PCSK2: variants seen among roughly 807,000 people sequenced by gnomAD.
PCSK2 encodes the protein neuroendocrine convertase 2.
In PCSK2, 14 loss-of-function variants were observed where a neutral mutation model predicts 69.7. That is an observed-to-expected ratio of 0.20 (90% CI 0.13 to 0.31). The LOEUF is 0.31. Among genes scored for constraint, PCSK2 ranks in the 10% least tolerant of loss-of-function variants. The pLI is 1.00. For missense variants in PCSK2, 544 were observed against 842.5 expected, an observed-to-expected ratio of 0.65 and a Z score of 4.39; for synonymous variants, 307 against 320.7, an observed-to-expected ratio of 0.96 and a Z score of 0.46.
Position 17,402,862 on chromosome 20 carries a change from C to T in PCSK2, c.544-6401C>T, listed in dbSNP as rs368897582. The stretch of plus-strand genomic sequence containing the variant: ...GTCCCAGCTACTCGGGAGGCTGAGG[C>T]GGGAGAATGGCATGAACCTGGGAGG... On this transcript the variant is annotated intron_variant, in intron 5 of 11. Coordinates refer to ENST00000262545, the MANE Select transcript of PCSK2 (RefSeq NM_002594.5). 1.3e-4 allele frequency among the ~76,000 whole-genome samples: 19 copies of T among 151,688 alleles called. No individual in the cohort carries two copies. The East Asian group carries it at 2.7e-3, about 22-fold the overall frequency.
At chr20:17,431,699 A>G (rs949478354) in intron 7 of PCSK2, among the ~76,000 whole-genome samples, 2 of 152,182 alleles carry the variant, frequency 1.3e-5, no homozygotes, top group Non-Finnish European at 2.9e-5. Flanking sequence ...TAGGGAACCC[A>G]GTGTCCTCTG....
At chr20:17,465,085 A>C in intron 10 of PCSK2, 1 of 550,748 alleles carries the variant, frequency 1.8e-6, no homozygotes, top group South Asian at 2.2e-5. Flanking sequence ...TGTGTGTTAG[A>C]ATAGACTTTT....
intron 2 of PCSK2, among the ~76,000 whole-genome samples, chr20:17,340,378 CT>C (rs766451042): frequency 6.6e-6 from 1 of 152,218 alleles, no homozygotes; most frequent in Non-Finnish European, 1.5e-5. Context: ...ATTTTAATCT[CT>C]TTCTGGTAAA....
At chr20:17,402,725 C>T (rs142650890) in intron 5 of PCSK2, among the ~76,000 whole-genome samples, 1,563 of 148,094 alleles carry the variant, frequency 0.011, 34 homozygotes, top group African/African-American at 0.037. Context: ...GAGGCCAAGG[C>T]GGGTGGATCA....
intron 7 of PCSK2, among the ~76,000 whole-genome samples, chr20:17,430,682 G>A (rs992479043): frequency 6.6e-6 from 1 of 152,256 alleles, no homozygotes; most frequent in East Asian, 1.9e-4. Context: ...AAAATGTCAG[G>A]AGCCATTATG....
At chr20:17,480,211 G>T (rs1392891561) in intron 11 of PCSK2, among the ~76,000 whole-genome samples, 1 of 68,070 alleles carries the variant, frequency 1.5e-5, no homozygotes. Context: ...TTTTTTTGAG[G>T]CAGAGTCTCG....
rs41276380 is a variant in PCSK2 at position 17,429,471 on chromosome 20, C to T, written c.657C>T (p.Ala219=). ...GATGTGCAGGAGAAGTTTCTGCTGC[C>T]GCCAACAACAATATCTGTGGAGTTG... ...GTRCAGEVSA[A]ANNNICGVGV... is the part of the protein sequence containing the mutation. Residue 219 remains alanine (A), a synonymous_variant, in exon 7 of 12, where the codon GCC becomes GCT. Transcript: ENST00000262545. 0.018 allele frequency: 28,793 copies of T among 1,613,644 alleles called. 327 individuals are homozygous for T. Among genetic ancestry groups the T allele is most frequent in the Non-Finnish European group, 0.021 (25,274 of 1,179,680 alleles).
At chr20:17,294,103 T>TC (rs11484144) in intron 2 of PCSK2, among the ~76,000 whole-genome samples, 8,434 of 126,562 alleles carry the variant, frequency 0.067, 180 homozygotes, top group African/African-American at 0.098. Context: ...ATTTTCTTTT[T>TC]TTTTTTTTTT....
chr20:17,347,390 C>T (rs549940882), intron 2 of PCSK2, among the ~76,000 whole-genome samples: 6 of 152,210 alleles, frequency 3.9e-5, no homozygotes, highest in South Asian at 2.1e-4. Flanking sequence ...CAGCAGTTGG[C>T]GGCAAAGCAG....
intron 11 of PCSK2, among the ~76,000 whole-genome samples, chr20:17,472,516 G>A (rs2033219264): frequency 6.6e-6 from 1 of 152,192 alleles, no homozygotes; most frequent in African/African-American, 2.4e-5. Context: ...AGAAAGAGTG[G>A]CTGTCATTGT....
chr20:17,481,609 G>T lies in PCSK2; in HGVS notation c.1456G>T (p.Val486Leu), dbSNP rs2123428323. ...GAAAATACCATCCACTGGCAAGTTG[G>T]TGCTGACACTCACAACCGACGCCTG... is the stretch of plus-strand genomic sequence containing the variant. ...PEKIPSTGKLVLTLTTDACEG... is the reference protein window; with the variant it reads ...PEKIPSTGKLLLTLTTDACEG... Residue 486 changes from valine (V) to leucine (L), a missense_variant, in exon 12 of 12, where the codon GTG becomes TTG. By Grantham distance (32) the Val-to-Leu change is conservative (BLOSUM62 1). This residue lies in a region of PCSK2 where 200 missense variants were observed against 287.8 expected (regional missense o/e 0.69). Coordinates refer to ENST00000262545, the MANE Select transcript of PCSK2 (RefSeq NM_002594.5). The T allele has an allele frequency of 2.5e-6, 4 of 1,613,902 alleles. No individual in the cohort carries two copies. Among genetic ancestry groups the T allele is most frequent in the African/African-American group, 1.3e-5 (1 of 74,964 alleles).
At chr20:17,336,959 T>C (rs1990370355) in intron 2 of PCSK2, among the ~76,000 whole-genome samples, 1 of 152,168 alleles carries the variant, frequency 6.6e-6, no homozygotes. Context: ...AGATGACAGA[T>C]AAACACAGGT....
intron 2 of PCSK2, among the ~76,000 whole-genome samples, chr20:17,325,311 G>C (rs1344339307): frequency 6.6e-6 from 1 of 152,102 alleles, no homozygotes; most frequent in Non-Finnish European, 1.5e-5. Flanking sequence ...TTTATAAGCA[G>C]CTCAATTTTG....
At chr20:17,345,312 T>G (rs1990620697) in intron 2 of PCSK2, among the ~76,000 whole-genome samples, 1 of 152,192 alleles carries the variant, frequency 6.6e-6, no homozygotes. Context: ...GCCAGTGACA[T>G]TTATAGTATG....
At chr20:17,263,787 T>C (rs571536434) in intron 2 of PCSK2, among the ~76,000 whole-genome samples, 69 of 152,344 alleles carry the variant, frequency 4.5e-4, no homozygotes, top group Non-Finnish European at 9.3e-4. Flanking sequence ...CCTAATCATA[T>C]TCACAGTCGT....
intron 5 of PCSK2, among the ~76,000 whole-genome samples, chr20:17,405,985 T>C (rs1436990926): frequency 6.6e-6 from 1 of 152,202 alleles, no homozygotes; most frequent in Non-Finnish European, 1.5e-5. Context: ...TTAAATTATT[T>C]TCACCAAACA....
At chr20:17,480,875 G>C (rs1000214984) in intron 11 of PCSK2, among the ~76,000 whole-genome samples, 2 of 152,188 alleles carry the variant, frequency 1.3e-5, no homozygotes, top group African/African-American at 4.8e-5. Context: ...TGCCACCTTT[G>C]GGCCGCCCTG....
rs543797168 is a variant in PCSK2 at position 17,316,253 on chromosome 20, T to A, written c.283-42074T>A. Among the ~76,000 whole-genome samples the A allele has an allele frequency of 3.3e-5, 5 of 152,346 alleles. No individual in the cohort carries two copies. The South Asian group carries it at 1.0e-3, about 32-fold the overall frequency. Reference sequence around the variant, plus strand: ...ACCCTCGCACGTTTCTTTTCTCGTTTCCTTCTCCATTGTCACTGACCCAGG... The same window carrying A: ...ACCCTCGCACGTTTCTTTTCTCGTTACCTTCTCCATTGTCACTGACCCAGG... On this transcript the variant is annotated intron_variant, in intron 2 of 11. Transcript: ENST00000262545.
At chr20:17,391,307 G>A (rs1456009754) in intron 5 of PCSK2, among the ~76,000 whole-genome samples, 1 of 152,196 alleles carries the variant, frequency 6.6e-6, no homozygotes, top group Non-Finnish European at 1.5e-5. Flanking sequence ...CCCTTGAAAA[G>A]CAGAAGTGGA....
Sources: gnomAD v4.1 joint callset for allele counts (sites outside exome capture counted in the v4.1 genomes callset) on GRCh38, gnomAD v4.1.1 for gene constraint, gnomAD v4.1.1 regional missense constraint, MANE v1.5 for transcripts, NCBI Gene and HGNC (gene_info 2026-07-23, HGNC 2026-07-21) for gene names.